Variants in CFAP57 observed in about 807,000 individuals in gnomAD.
CFAP57 encodes cilia- and flagella-associated protein 57.
A neutral mutation model predicts 146.8 loss-of-function variants in CFAP57; 116 were observed. The ratio of observed to expected loss-of-function variants is 0.79; its 90% CI spans 0.68 to 0.92. CFAP57 has a LOEUF of 0.92. CFAP57 is among the 40% of genes least tolerant of loss of function. The probability of loss-of-function intolerance (pLI) is 0.00; values close to 1 mark genes in which losing one functional copy is unlikely to be tolerated. For synonymous variants in CFAP57, 518 were observed against 552.8 expected, an observed-to-expected ratio of 0.94 and a Z score of 0.88; for missense variants, 1,377 against 1,527.2, an observed-to-expected ratio of 0.90 and a Z score of 1.64.
At chr1:43,200,232 T>C (rs912434607) in intron 9 of CFAP57, among the ~76,000 whole-genome samples, 4 of 152,122 alleles carry the variant, frequency 2.6e-5, no homozygotes, top group Non-Finnish European at 5.9e-5. Context: ...ATGCCTATAA[T>C]CTAAGCACTT....
chr1:43,227,728 C>G (rs1037113170), intron 18 of CFAP57, among the ~76,000 whole-genome samples: 1 of 152,080 alleles, frequency 6.6e-6, no homozygotes, highest in African/African-American at 2.4e-5. Context: ...CACACGCCAC[C>G]TTTCCCTGCA....
intron 6 of CFAP57, among the ~76,000 whole-genome samples, chr1:43,188,991 G>C (rs1643328640): frequency 6.6e-6 from 1 of 152,196 alleles, no homozygotes; most frequent in Non-Finnish European, 1.5e-5. Context: ...AGTCGTCACA[G>C]CATCATTTGT....
At chr1:43,215,483 A>G in intron 12 of CFAP57, 67 bp downstream of exon 12, 1 of 1,505,774 alleles carries the variant, frequency 6.6e-7, no homozygotes, top group Non-Finnish European at 8.9e-7. Flanking sequence ...ATGCAGGTCC[A>G]GCACTGGGGC....
At position 43,219,497 on chromosome 1, in the gene CFAP57, A is replaced by G; in HGVS notation, c.2207A>G (p.Lys736Arg). Residue 736 changes from lysine to arginine, a missense_variant, in exon 13 of 23, where the codon AAG (lysine) becomes AGG (arginine). Transcript: ENST00000372492. ...YSEKIKELTD[K>R]FIQEMESLKT... ...GAGAAGATTAAGGAGCTAACAGACAAGTTCATCCAGGAAATGGAGTCCTTG... is the reference window on the plus strand; with the variant it reads ...GAGAAGATTAAGGAGCTAACAGACAGGTTCATCCAGGAAATGGAGTCCTTG... The G allele has an allele frequency of 1.9e-6, 3 of 1,550,578 alleles. No individual in the cohort carries two copies. The highest frequency in any genetic ancestry group is 2.6e-6 in the Non-Finnish European group (3 of 1,146,988).
rs774161232 is a variant in CFAP57, at chr1:43,226,989, C to T, written c.2872C>T (p.Arg958Ter). Residue 958 changes from arginine (R) to a stop codon, truncating the protein, a stop_gained, in exon 18 of 23, where the codon CGA becomes TGA. Transcript: ENST00000372492. LOFTEE classifies it high-confidence loss of function. ...TCTCTCATCTCACCCCCAGGAGAAGCGAATTTATGATCTGAAAAAGAAAAA... is the reference window on the plus strand; with the variant it reads ...TCTCTCATCTCACCCCCAGGAGAAGTGAATTTATGATCTGAAAAAGAAAAA... ...RDETIQDKEK[R>*]IYDLKKKNQE... The T allele has an allele frequency of 2.1e-5, 31 of 1,511,012 alleles. No individual in the cohort carries two copies. In the South Asian group the frequency reaches 2.2e-4, roughly 11 times the overall value. 93.6% of individuals were successfully genotyped at this position (1,511,012 alleles called of 1,614,324 possible). A position where few individuals can be genotyped will look rare whatever the true frequency, so the allele number is the denominator to read the frequency against.
chr1:43,231,792 C>G (rs931794591), intron 18 of CFAP57, among the ~76,000 whole-genome samples: 1 of 152,028 alleles, frequency 6.6e-6, no homozygotes, highest in Non-Finnish European at 1.5e-5. Context: ...TGCTTAAACC[C>G]GGAGGCGGAG....
chr1:43,216,528 G>T (rs1161688251), intron 12 of CFAP57, among the ~76,000 whole-genome samples: 1 of 152,106 alleles, frequency 6.6e-6, no homozygotes, highest in Non-Finnish European at 1.5e-5. Context: ...CTGAACCAAA[G>T]GCCTGAAGGT....
intron 22 of CFAP57, among the ~76,000 whole-genome samples, chr1:43,246,420 TA>T (rs1646117369): frequency 6.6e-6 from 1 of 152,116 alleles, no homozygotes; most frequent in South Asian, 2.1e-4. Context: ...GATCATTTAG[TA>T]GGGAAAGGAC....
At chr1:43,176,103 AC>A (rs1237129621) in intron 2 of CFAP57, among the ~76,000 whole-genome samples, 2 of 151,850 alleles carry the variant, frequency 1.3e-5, no homozygotes, top group African/African-American at 2.4e-5. Flanking sequence ...TTCAAATTCT[AC>A]CCATATATTC....
In CFAP57 at chr1:43,201,659, A is replaced by G. The variant is rs550324244; in HGVS notation, c.1542+2156A>G. Reference sequence around the variant, plus strand: ...AGACAGAGTTTCGCTTTCGTTGCCCAGGCTGGAGTGCAATGGCACAATCTC... The same window carrying G: ...AGACAGAGTTTCGCTTTCGTTGCCCGGGCTGGAGTGCAATGGCACAATCTC... On this transcript the variant is annotated intron_variant, in intron 9 of 22. Transcript: ENST00000372492. The surrounding 1 kb of genome is among the most constrained non-coding windows in gnomAD (Gnocchi z 4.4). Among the ~76,000 whole-genome samples the G allele has an allele frequency of 9.2e-5, 14 of 152,314 alleles. No individual in the cohort carries two copies. The highest frequency in any genetic ancestry group is 1.5e-4 in the Non-Finnish European group (10 of 68,016).
Position 43,183,707 on chromosome 1 carries a change from C to G in CFAP57, c.591C>G (p.Pro197=), listed in dbSNP as rs1213484278. Residue 197 remains proline, a synonymous_variant, in exon 4 of 23, where the codon CCC becomes CCG. Coordinates refer to ENST00000372492, the MANE Select transcript of CFAP57 (RefSeq NM_001378189.1). Reference sequence around the variant, plus strand: ...AAACCAGCTTTCAGAGGGGAGAACCCCAAAACTATCTAGCTCACACCTGGG... The same window carrying G: ...AAACCAGCTTTCAGAGGGGAGAACCGCAAAACTATCTAGCTCACACCTGGG... ...LKQTSFQRGE[P]QNYLAHTWVA... is the part of the protein sequence containing the mutation. The G allele has an allele frequency of 6.2e-7, 1 of 1,614,054 alleles. No individual in the cohort carries two copies. Among genetic ancestry groups the G allele is most frequent in the Non-Finnish European group, 8.5e-7 (1 of 1,180,034 alleles).
At chr1:43,194,393 A>G (rs920669585) in intron 6 of CFAP57, among the ~76,000 whole-genome samples, 8 of 151,986 alleles carry the variant, frequency 5.3e-5, no homozygotes, top group Middle Eastern at 3.4e-3. Flanking sequence ...TTTAGCTTTC[A>G]TTATTTTTGC....
Position 43,219,436 on chromosome 1 carries a change from G to A in CFAP57, c.2146G>A (p.Glu716Lys). The part of the protein sequence containing the change: ...TRVEELKMEN[E>K]YQLRLKDMNY... ...TGTGGAGGAATTAAAAATGGAGAAT[G>A]AGTATCAACTCCGACTAAAGGACAT... The change falls in exon 13 of 23, where the codon GAG becomes AAG. Residue 716 changes from glutamate to lysine, a missense_variant. Physicochemically the swap from Glu to Lys is moderately conservative, Grantham distance 56 (BLOSUM62 1). Transcript: ENST00000372492. 1 of 1,550,606 alleles carries A rather than the reference G, an allele frequency of 6.4e-7. No homozygotes were observed. The highest frequency in any genetic ancestry group is 8.7e-7 in the Non-Finnish European group (1 of 1,146,988).
chr1:43,207,074 T>G, intron 10 of CFAP57, 142 bp downstream of exon 10: 3 of 807,874 alleles, frequency 3.7e-6, no homozygotes, highest in Non-Finnish European at 6.1e-6. Flanking sequence ...AGGCTCCTCA[T>G]TCCTTTTAGA....
At chr1:43,206,294 A>C in intron 9 of CFAP57, 1 of 183,550 alleles carries the variant, frequency 5.4e-6, no homozygotes, top group Non-Finnish European at 1.2e-5. Flanking sequence ...TTTTTATCAT[A>C]TTTACCAGTT....
intron 22 of CFAP57, among the ~76,000 whole-genome samples, chr1:43,251,542 A>G (rs1482751771): frequency 1.3e-5 from 2 of 152,262 alleles, no homozygotes; most frequent in African/African-American, 4.8e-5. Flanking sequence ...TGTTTATTCA[A>G]AAACAACTGT....
chr1:43,210,151 T>C (rs1412372518), intron 11 of CFAP57: 1 of 1,590,324 alleles, frequency 6.3e-7, no homozygotes. Flanking sequence ...TACAACGTTT[T>C]CACCATAATA....
chr1:43,197,881 GTTTATTT>G (rs1235515710), intron 7 of CFAP57, among the ~76,000 whole-genome samples, 189 bp downstream of exon 7: 1 of 152,200 alleles, frequency 6.6e-6, no homozygotes, highest in African/African-American at 2.4e-5. Flanking sequence ...CTACTTTGTG[GTTTATTT>G]AATGCTTACC....
intron 9 of CFAP57, among the ~76,000 whole-genome samples, chr1:43,203,529 C>T (rs759016718): frequency 4.9e-4 from 75 of 152,228 alleles, no homozygotes; most frequent in Non-Finnish European, 9.7e-4. Flanking sequence ...GGCACCATCT[C>T]GGCTCACTGC....
Sources: gnomAD v4.1 joint callset for allele counts (sites outside exome capture counted in the v4.1 genomes callset) on GRCh38, gnomAD v4.1.1 for gene constraint, Gnocchi (gnomAD v3.1) non-coding constraint, MANE v1.5 for transcripts, NCBI Gene and HGNC (gene_info 2026-07-23, HGNC 2026-07-21) for gene names.